Variants in HCFC2 observed in about 807,000 individuals in gnomAD.
HCFC2 encodes host cell factor 2.
HCFC2 carries 18 observed loss-of-function variants against 89.2 expected under a neutral mutation model. That is an observed-to-expected ratio of 0.20 (90% CI 0.14 to 0.30). HCFC2 has a LOEUF of 0.30. Among genes scored for constraint, HCFC2 ranks in the 10% least tolerant of loss-of-function variants. The pLI, the probability that HCFC2 is intolerant of heterozygous loss-of-function variation, is 1.00. For synonymous variants in HCFC2, 308 were observed against 335.7 expected, an observed-to-expected ratio of 0.92 and a Z score of 0.90; for missense variants, 578 against 956.1, an observed-to-expected ratio of 0.60 and a Z score of 5.21.
intron 7 of HCFC2, among the ~76,000 whole-genome samples, chr12:104,085,398 A>G (rs1036214896): frequency 1.3e-5 from 2 of 152,202 alleles, no homozygotes; most frequent in African/African-American, 2.4e-5. Context: ...GGAAATTATT[A>G]ACTAAAGTCT....
intron 2 of HCFC2, among the ~76,000 whole-genome samples, chr12:104,067,611 G>GA (rs1287679456): frequency 6.6e-6 from 1 of 152,116 alleles, no homozygotes; most frequent in Non-Finnish European, 1.5e-5. Flanking sequence ...CCTTTTTTCA[G>GA]AAAGTAAGAA....
At position 104,095,303 on chromosome 12, in the gene HCFC2, A is replaced by C. The variant is rs1884141139; in HGVS notation, c.1463-57A>C. On this transcript the variant is annotated intron_variant, in intron 10 of 14. Coordinates refer to ENST00000229330, the MANE Select transcript of HCFC2 (RefSeq NM_013320.3). The surrounding 1 kb of genome is among the most constrained non-coding windows in gnomAD (Gnocchi z 4.2). ...AGAATCATATGACAAGAACGATAAG[A>C]CACAACAATTATCTGCAGATATCAT... 1 of 1,317,258 alleles carries C rather than the reference A, an allele frequency of 7.6e-7. No individual in the cohort carries two copies. 81.6% of individuals were successfully genotyped at this position (1,317,258 alleles called of 1,614,324 possible). A position where few individuals can be genotyped will look rare whatever the true frequency, so the allele number is the denominator to read the frequency against.
intron 3 of HCFC2, among the ~76,000 whole-genome samples, chr12:104,073,538 G>C (rs1006092237): frequency 1.3e-5 from 2 of 152,038 alleles, no homozygotes; most frequent in African/African-American, 4.8e-5. Context: ...TGGCTTTCTG[G>C]TTTTGAATCT....
chr12:104,095,582 A>C lies in HCFC2; in HGVS notation c.1666+19A>C. 1 of 1,588,594 alleles carries C rather than the reference A, an allele frequency of 6.3e-7. No homozygotes were observed. Among genetic ancestry groups the C allele is most frequent in the Non-Finnish European group, 8.6e-7 (1 of 1,157,262 alleles). ...TCTGAAGGTTTGAAATGTGTTTCAC[A>C]TACTGTATTTTGAACCATTTATGTA... On this transcript the variant is annotated intron_variant, in intron 11 of 14. Transcript: ENST00000229330. The surrounding 1 kb of genome is among the most constrained non-coding windows in gnomAD (Gnocchi z 4.2).
chr12:104,093,317 T>A (rs1884078630), intron 9 of HCFC2, 69 bp from the exon 10 acceptor site: 1 of 1,074,474 alleles, frequency 9.3e-7, no homozygotes, highest in Admixed American at 2.9e-5. Context: ...CTTATTTTGC[T>A]TGTTTTTTAC....
chr12:104,088,734 G>A (rs917405006), intron 9 of HCFC2, among the ~76,000 whole-genome samples: 3 of 152,182 alleles, frequency 2.0e-5, no homozygotes, highest in African/African-American at 7.2e-5. Context: ...TAGTATGTCA[G>A]GAAGGGGTTA....
At chr12:104,079,083 G>C (rs534171391) in intron 3 of HCFC2, among the ~76,000 whole-genome samples, 14 of 152,162 alleles carry the variant, frequency 9.2e-5, no homozygotes, top group Non-Finnish European at 1.9e-4. Context: ...AACCAGTCCA[G>C]AATCAAGGGA....
At chr12:104,078,448 G>T (rs767063872) in intron 3 of HCFC2, among the ~76,000 whole-genome samples, 2 of 152,044 alleles carry the variant, frequency 1.3e-5, no homozygotes, top group South Asian at 4.1e-4. Context: ...TAATAATTTT[G>T]TAGGAAATAG....
At chr12:104,085,917 T>G (rs1883822457) in intron 7 of HCFC2, among the ~76,000 whole-genome samples, 2 of 151,992 alleles carry the variant, frequency 1.3e-5, no homozygotes, top group African/African-American at 4.8e-5. Flanking sequence ...GTTACTTTGA[T>G]GTATTTTTTT....
intron 13 of HCFC2, among the ~76,000 whole-genome samples, chr12:104,098,851 T>C (rs1884253981): frequency 1.3e-5 from 2 of 152,036 alleles, no homozygotes; most frequent in Admixed American, 1.3e-4. Context: ...GTACAGAAAC[T>C]TAGCCAGGCG....
chr12:104,086,802 T>G (rs1315134951), intron 7 of HCFC2, 45 bp from the exon 8 acceptor site: 3 of 1,566,984 alleles, frequency 1.9e-6, no homozygotes, highest in Non-Finnish European at 2.6e-6. Flanking sequence ...GCAAACCATT[T>G]ATACACTGGA....
chr12:104,084,415 A>C (rs1458279507), intron 7 of HCFC2, among the ~76,000 whole-genome samples: 1 of 152,200 alleles, frequency 6.6e-6, no homozygotes, highest in Non-Finnish European at 1.5e-5. Context: ...CCACATAAAA[A>C]GGCCAGAGAA....
At chr12:104,087,631 A>G (rs1883908398) in intron 8 of HCFC2, among the ~76,000 whole-genome samples, 1 of 151,948 alleles carries the variant, frequency 6.6e-6, no homozygotes, top group South Asian at 2.1e-4. Context: ...ATGATGTAGT[A>G]GAACACATAG....
rs150551696 is a variant in HCFC2, at chr12:104,080,477, T to G, written c.683-269T>G. 246 of 268,108 alleles carry G rather than the reference T, an allele frequency of 9.2e-4. 3 individuals carry two copies. In the East Asian group the frequency reaches 0.02, roughly 22 times the overall value. The allele number at this position is 268,108 out of a possible 1,614,324, so 16.6% of individuals were successfully genotyped here. On this transcript the variant is annotated intron_variant, in intron 4 of 14. Coordinates refer to ENST00000229330, the MANE Select transcript of HCFC2 (RefSeq NM_013320.3). ...AGACATGTGCAGTGCAGCCAAAGATTTTGTGAATATTTTCAGTCTGTGGTT... is the reference window on the plus strand; with the variant it reads ...AGACATGTGCAGTGCAGCCAAAGATGTTGTGAATATTTTCAGTCTGTGGTT...
chr12:104,088,280 C>T (rs1046138147), intron 9 of HCFC2, among the ~76,000 whole-genome samples: 8 of 152,176 alleles, frequency 5.3e-5, no homozygotes, highest in African/African-American at 1.9e-4. Flanking sequence ...CTTCACAGAT[C>T]GCTGTGACAG....
chr12:104,093,078 T>G (rs1235918561), intron 9 of HCFC2, among the ~76,000 whole-genome samples: 1 of 152,202 alleles, frequency 6.6e-6, no homozygotes, highest in Non-Finnish European at 1.5e-5. Context: ...TCTCCTGTGT[T>G]ATATATGTAT....
chr12:104,104,146 A>C lies in HCFC2; in HGVS notation c.*873A>C, dbSNP rs546619157. 6.6e-6 allele frequency: 1 copy of C among 152,190 alleles called. No homozygotes were observed. Among genetic ancestry groups the C allele is most frequent in the Non-Finnish European group, 1.5e-5 (1 of 67,920 alleles). 9.4% of individuals were successfully genotyped at this position (152,190 alleles called of 1,614,324 possible). On this transcript the variant is annotated 3_prime_UTR_variant, in exon 15 of 15. Transcript: ENST00000229330. ...GCTAAAATTAAAATCTTCATAATTGAATTCAAAATTAAAGTATATGTCCTC... is the reference window on the plus strand; with the variant it reads ...GCTAAAATTAAAATCTTCATAATTGCATTCAAAATTAAAGTATATGTCCTC...
At chr12:104,081,616 T>G (rs990232036) in intron 5 of HCFC2, among the ~76,000 whole-genome samples, 2 of 151,270 alleles carry the variant, frequency 1.3e-5, no homozygotes, top group Admixed American at 6.6e-5. Context: ...TTTTTTTTTT[T>G]AAATAAACTC....
In HCFC2 at chr12:104,089,104, G is replaced by A. The variant is rs150002138; in HGVS notation, c.1284+1066G>A. Reference sequence around the variant, plus strand: ...TTGGCCCTGTGGAACCTGCAAATGCGGAAACTCGACCCTCTGTATCCACAG... The same window carrying A: ...TTGGCCCTGTGGAACCTGCAAATGCAGAAACTCGACCCTCTGTATCCACAG... On this transcript the variant is annotated intron_variant, in intron 9 of 14. Coordinates refer to ENST00000229330, the MANE Select transcript of HCFC2 (RefSeq NM_013320.3). 7.8e-3 allele frequency among the ~76,000 whole-genome samples: 1,188 copies of A among 152,216 alleles called. 13 individuals carry two copies. Among genetic ancestry groups the A allele is most frequent in the African/African-American group, 0.026 (1,098 of 41,520 alleles).
Sources: allele counts gnomAD v4.1 joint callset (sites outside exome capture counted in the v4.1 genomes callset), GRCh38; gene constraint gnomAD v4.1.1; non-coding constraint Gnocchi (gnomAD v3.1); transcripts MANE v1.5; gene names NCBI Gene and HGNC (gene_info 2026-07-23, HGNC 2026-07-21).